CD163L1: variants seen among roughly 807,000 people sequenced by gnomAD.
The protein encoded by CD163L1 is scavenger receptor cysteine-rich type 1 protein M160.
In CD163L1, 124 loss-of-function variants were observed where a neutral mutation model predicts 165.4. The observed-to-expected ratio is 0.75, with a 90% CI of 0.65 to 0.87. CD163L1 has a LOEUF of 0.87. CD163L1 is among the 40% of genes least tolerant of loss of function. CD163L1 has a pLI of 0.00. For missense variants in CD163L1, 1,525 were observed against 1,799.9 expected, an observed-to-expected ratio of 0.85 and a Z score of 2.76; for synonymous variants, 585 against 662.2, an observed-to-expected ratio of 0.88 and a Z score of 1.79.
rs183335802 is a variant in CD163L1 at position 7,426,119 on chromosome 12, G to C, written c.766+6297C>G. Among the ~76,000 whole-genome samples the C allele has an allele frequency of 9.0e-4, 137 of 152,268 alleles. 1 individual carries two copies. The highest frequency in any genetic ancestry group is 4.4e-5 in the Non-Finnish European group (3 of 68,016). On this transcript the variant is annotated intron_variant, in intron 4 of 19. Coordinates refer to ENST00000313599, the MANE Select transcript of CD163L1 (RefSeq NM_174941.6). ...TGGAATACTATGCAGCCATAAAAAA[G>C]AATGAGTTCATGTTCTTTGCAGGGA...
the CD163L1 span, among the ~76,000 whole-genome samples, chr12:7,337,579 C>T: frequency 6.6e-6 from 1 of 152,216 alleles, no homozygotes; most frequent in East Asian, 1.9e-4. Context: ...AAGATCATCA[C>T]TGGTCATTAG....
chr12:7,429,243 TA>T (rs776266352), intron 4 of CD163L1, among the ~76,000 whole-genome samples: 46 of 152,106 alleles, frequency 3.0e-4, no homozygotes, highest in South Asian at 6.2e-4. Flanking sequence ...CATTTAAAAA[TA>T]AAAATAAAAT....
chr12:7,409,679 A>T (rs1310551000), intron 4 of CD163L1, among the ~76,000 whole-genome samples: 1 of 152,134 alleles, frequency 6.6e-6, no homozygotes, highest in East Asian at 1.9e-4. Context: ...GGGGTTGGAG[A>T]CCCCTGTCGT....
chr12:7,379,509 C>G (rs1051217739), intron 8 of CD163L1, among the ~76,000 whole-genome samples: 1 of 152,056 alleles, frequency 6.6e-6, no homozygotes, highest in Admixed American at 6.5e-5. Flanking sequence ...CAAAAGTACA[C>G]CAAGGTATGT....
chr12:7,442,168 T>A (rs980057231), intron 1 of CD163L1, among the ~76,000 whole-genome samples: 1 of 152,238 alleles, frequency 6.6e-6, no homozygotes. Context: ...TCCTGTTTAC[T>A]TGAGGGGTAT....
intron 4 of CD163L1, among the ~76,000 whole-genome samples, chr12:7,422,123 C>G (rs971417289): frequency 6.6e-6 from 1 of 152,096 alleles, no homozygotes; most frequent in Non-Finnish European, 1.5e-5. Flanking sequence ...GTTCTGCACA[C>G]TCCGCTGGTG....
In CD163L1 at chr12:7,375,841, G is replaced by T. The variant is rs765644671; in HGVS notation, c.2545C>A (p.His849Asn). The T allele has an allele frequency of 1.6e-5, 26 of 1,614,072 alleles. No homozygotes were observed. The African/African-American group carries it at 3.1e-4, about 19-fold the overall frequency. ...GDAISLSVGD[H>N]FGKGNGLTWA... Reference sequence around the variant, plus strand: ...GTTAGACCATTCCCTTTTCCAAAGTGATCTCCCACAGAAAGAGATATGGCA... The same window carrying T: ...GTTAGACCATTCCCTTTTCCAAAGTTATCTCCCACAGAAAGAGATATGGCA... Residue 849 changes from histidine to asparagine, a missense_variant, in exon 10 of 20, where the codon CAC becomes AAC. Physicochemically the swap from His to Asn is moderately conservative, Grantham distance 68. Coordinates refer to ENST00000313599, the MANE Select transcript of CD163L1 (RefSeq NM_174941.6).
chr12:7,362,955 A>T (rs1946935618), intron 18 of CD163L1, among the ~76,000 whole-genome samples: 1 of 151,930 alleles, frequency 6.6e-6, no homozygotes, highest in Non-Finnish European at 1.5e-5. Context: ...AAAGAAATTA[A>T]GAAAATTAAG....
At chr12:7,397,468 A>C (rs1947802423) in intron 7 of CD163L1, among the ~76,000 whole-genome samples, 1 of 152,202 alleles carries the variant, frequency 6.6e-6, no homozygotes. Flanking sequence ...TTTAATTGGG[A>C]TGGAATAGAA....
rs199965328 is a variant in CD163L1, at chr12:7,374,929, G to A, written c.3002-6C>T. 6.2e-7 allele frequency: 1 copy of A among 1,613,796 alleles called. No individual in the cohort carries two copies. The highest frequency in any genetic ancestry group is 1.3e-5 in the African/African-American group (1 of 74,918). On this transcript the variant is annotated splice_region_variant and splice_polypyrimidine_tract_variant and intron_variant, in intron 11 of 19. Coordinates refer to ENST00000313599, the MANE Select transcript of CD163L1 (RefSeq NM_174941.6). The surrounding 1 kb of genome is among the most constrained non-coding windows in gnomAD (Gnocchi z 5.4). ...CAGTGGCTGGGTCAGGCTTCCTGGT[G>A]GAGGGTGCAGGAAATGGGGCAAAAG...
chr12:7,328,552 A>C, the CD163L1 span: 1 of 390,406 alleles, frequency 2.6e-6, no homozygotes, highest in South Asian at 3.1e-5. Flanking sequence ...AAGCCTCAAA[A>C]ACGTATGGAT....
At position 7,433,646 on chromosome 12, in the gene CD163L1, G is replaced by C; in HGVS notation, c.173C>G (p.Ser58Cys). Residue 58 changes from serine to cysteine, a missense_variant, in exon 3 of 20, where the codon TCT (serine) becomes TGT (cysteine). Transcript: ENST00000313599. ...CTGGAATTTCACCTCCACTGTCCCA[G>C]AGCAGGGACCGTCTCCATTGACCAG... ...LRLVNGDGPC[S>C]GTVEVKFQGQ... is the part of the protein sequence containing the mutation. The C allele has an allele frequency of 6.2e-7, 1 of 1,614,008 alleles. No homozygotes were observed. The highest frequency in any genetic ancestry group is 1.1e-5 in the South Asian group (1 of 91,014).
chr12:7,321,381 T>C, the CD163L1 span, among the ~76,000 whole-genome samples: 1 of 152,154 alleles, frequency 6.6e-6, no homozygotes, highest in African/African-American at 2.4e-5. Flanking sequence ...ACTCAATACA[T>C]GAGGAGAGAA....
downstream of CD163L1, among the ~76,000 whole-genome samples, chr12:7,352,776 A>T (rs1467716908): frequency 6.6e-6 from 1 of 152,158 alleles, no homozygotes; most frequent in Non-Finnish European, 1.5e-5. Flanking sequence ...CCATAGATGT[A>T]GTCCAGGCAA....
intron 4 of CD163L1, among the ~76,000 whole-genome samples, chr12:7,430,987 G>A (rs964773065): frequency 1.3e-5 from 2 of 152,128 alleles, no homozygotes; most frequent in Admixed American, 6.5e-5. Context: ...CAGCTGCACT[G>A]TGGAAAATGG....
Position 7,433,478 on chromosome 12 carries a change from T to C in CD163L1, c.341A>G (p.Asp114Gly), listed in dbSNP as rs1160390764. The change falls in exon 3 of 20, where the codon GAT becomes GGT. Residue 114 changes from aspartate (D) to glycine (G), a missense_variant. By Grantham distance (94) the Asp-to-Gly change is moderately conservative (BLOSUM62 -1). Transcript: ENST00000313599. ...TGACTCATTTCCATAACAGGAAACA[T>C]CATCAAGCCAAATTTTTCCATGTCT... ...VTRHGKIWLD[D>G]VSCYGNESAL... The C allele has an allele frequency of 6.2e-7, 1 of 1,614,106 alleles. No individual in the cohort carries two copies. Among genetic ancestry groups the C allele is most frequent in the Non-Finnish European group, 8.5e-7 (1 of 1,180,012 alleles).
chr12:7,442,278 A>T (rs987507929), intron 1 of CD163L1, among the ~76,000 whole-genome samples: 15 of 152,204 alleles, frequency 9.9e-5, no homozygotes, highest in African/African-American at 3.6e-4. Flanking sequence ...GTGTAATCCC[A>T]GACAACAAAA....
chr12:7,336,511 G>A, the CD163L1 span, among the ~76,000 whole-genome samples: 1 of 152,086 alleles, frequency 6.6e-6, no homozygotes, highest in East Asian at 1.9e-4. Context: ...ACTGTTGTGG[G>A]GTGAGGGGAG....
intron 4 of CD163L1, among the ~76,000 whole-genome samples, chr12:7,414,073 T>C (rs1948190956): frequency 6.6e-6 from 1 of 151,800 alleles, no homozygotes; most frequent in African/African-American, 2.4e-5. Flanking sequence ...ATGAAGGAAA[T>C]ATGGCACTAC....
Sources: gnomAD v4.1 joint callset for allele counts (sites outside exome capture counted in the v4.1 genomes callset) on GRCh38, gnomAD v4.1.1 for gene constraint, Gnocchi (gnomAD v3.1) non-coding constraint, MANE v1.5 for transcripts, NCBI Gene and HGNC (gene_info 2026-07-23, HGNC 2026-07-21) for gene names.